DHX37: variants seen among roughly 807,000 people sequenced by gnomAD.
DHX37 encodes probable ATP-dependent RNA helicase DHX37.
A neutral mutation model predicts 134.3 loss-of-function variants in DHX37; 52 were observed. The observed-to-expected ratio is 0.39, with a 90% CI of 0.31 to 0.49. DHX37 has a LOEUF of 0.49. DHX37 is among the 20% of genes least tolerant of loss of function. The probability of loss-of-function intolerance (pLI) is 0.93; values close to 1 mark genes in which losing one functional copy is unlikely to be tolerated. For missense variants in DHX37, 1,344 were observed against 1,580.8 expected, an observed-to-expected ratio of 0.85 and a Z score of 2.54; for synonymous variants, 634 against 670.7, an observed-to-expected ratio of 0.95 and a Z score of 0.85.
chr12:124,967,823 C>T (rs1378311066), intron 10 of DHX37, among the ~76,000 whole-genome samples: 1 of 152,128 alleles, frequency 6.6e-6, no homozygotes, highest in African/African-American at 2.4e-5. Flanking sequence ...AATTCCAGCA[C>T]TTTGGGAGGC....
At chr12:124,953,614 G>C in intron 20 of DHX37, 1 of 493,502 alleles carries the variant, frequency 2.0e-6, no homozygotes, top group Non-Finnish European at 3.6e-6. Context: ...AAATGGCAGG[G>C]GGTATCGCCA....
chr12:124,950,308 C>T (rs997523047), intron 23 of DHX37, 65 bp from the exon 24 acceptor site: 61 of 1,607,022 alleles, frequency 3.8e-5, no homozygotes, highest in Admixed American at 5.1e-5. Flanking sequence ...CCCATCCCTG[C>T]CCCACCCGAG....
At chr12:124,964,738 A>G (rs1188088650) in intron 14 of DHX37, 112 bp from the exon 15 acceptor site, 8 of 1,515,114 alleles carry the variant, frequency 5.3e-6, no homozygotes, top group Non-Finnish European at 7.1e-6. Context: ...CGTAGCAAGG[A>G]CAAGCCATCC....
intron 2 of DHX37, among the ~76,000 whole-genome samples, chr12:124,984,203 T>A: frequency 6.6e-6 from 1 of 152,064 alleles, no homozygotes; most frequent in East Asian, 1.9e-4. Flanking sequence ...AATACTAATG[T>A]ACAAAAAGCT....
rs199578145 is a variant in DHX37 at position 124,950,773 on chromosome 12, T to A, written c.2900A>T (p.His967Leu). Residue 967 changes from histidine (H) to leucine (L), a missense_variant, in exon 22 of 27, where the codon CAC (histidine) becomes CTC (leucine). By Grantham distance (99) the His-to-Leu change is moderately conservative. Transcript: ENST00000308736. ...TPLLDDPVFIHPSSVLFKELP... is the reference protein window; with the variant it reads ...TPLLDDPVFILPSSVLFKELP... ...CTCTTTGAAAAGGACGGAGCTGGGGTGGATGAAGACAGGGTCGTCGAGGAG... is the reference window on the plus strand; with the variant it reads ...CTCTTTGAAAAGGACGGAGCTGGGGAGGATGAAGACAGGGTCGTCGAGGAG... 1.9e-6 allele frequency: 3 copies of A among 1,607,892 alleles called. No individual in the cohort carries two copies. Among genetic ancestry groups the A allele is most frequent in the Non-Finnish European group, 1.7e-6 (2 of 1,178,284 alleles).
In DHX37 at chr12:124,960,418, T is replaced by C; in HGVS notation, c.2051A>G (p.Tyr684Cys). ...RTEPGHCYRLYSSAVFGDFEQ... is the reference protein window; with the variant it reads ...RTEPGHCYRLCSSAVFGDFEQ... ...GAAGTCACCAAAAACCGCAGATGAA[T>C]ACAGCCTGGATGGAGAGAAACCGGG... The change falls in exon 16 of 27, where the codon TAT becomes TGT. Residue 684 changes from tyrosine (Y) to cysteine (C), a missense_variant. By Grantham distance (194) the Tyr-to-Cys change is radical. Coordinates refer to ENST00000308736, the MANE Select transcript of DHX37 (RefSeq NM_032656.4). 6.2e-7 allele frequency: 1 copy of C among 1,608,704 alleles called. No individual in the cohort carries two copies. Among genetic ancestry groups the C allele is most frequent in the Non-Finnish European group, 8.5e-7 (1 of 1,175,238 alleles).
At chr12:124,964,697 G>A (rs1454532170) in intron 14 of DHX37, 71 bp from the exon 15 acceptor site, 2 of 1,579,058 alleles carry the variant, frequency 1.3e-6, no homozygotes, top group Non-Finnish European at 8.6e-7. Flanking sequence ...GAGGCTCAAG[G>A]ACAAAGCCAG....
intron 8 of DHX37, among the ~76,000 whole-genome samples, chr12:124,970,263 C>T (rs960313120): frequency 6.6e-6 from 1 of 152,180 alleles, no homozygotes; most frequent in Non-Finnish European, 1.5e-5. Context: ...CGTGAGCCAC[C>T]GTGCCCGGCC....
rs1241271677 is a variant in DHX37, at chr12:124,972,534, G to A, written c.1046C>T (p.Thr349Met). 6.2e-7 allele frequency: 1 copy of A among 1,614,056 alleles called. No individual in the cohort carries two copies. The highest frequency in any genetic ancestry group is 8.5e-7 in the Non-Finnish European group (1 of 1,180,026). The part of the protein sequence containing the change: ...VTEETRIKFM[T>M]DGVLLKEIQK... Reference sequence around the variant, plus strand: ...GATTTCTTTAAGCAGCACACCATCCGTCATGAACTTGATTCTGGTCTCCTC... The same window carrying A: ...GATTTCTTTAAGCAGCACACCATCCATCATGAACTTGATTCTGGTCTCCTC... The change falls in exon 7 of 27, where the codon ACG becomes ATG. Residue 349 changes from threonine to methionine, a missense_variant. Coordinates refer to ENST00000308736, the MANE Select transcript of DHX37 (RefSeq NM_032656.4).
At chr12:124,950,991 C>T (rs1055305599) in intron 21 of DHX37, among the ~76,000 whole-genome samples, 187 bp from the exon 22 acceptor site, 2 of 152,232 alleles carry the variant, frequency 1.3e-5, no homozygotes, top group African/African-American at 4.8e-5. Flanking sequence ...GAAGGAAGTG[C>T]CGGGTGCAAT....
chr12:124,957,014 A>T lies in DHX37; in HGVS notation c.2264+15T>A. 2.6e-6 allele frequency: 4 copies of T among 1,522,278 alleles called. No homozygotes were observed. The highest frequency in any genetic ancestry group is 3.5e-6 in the Non-Finnish European group (4 of 1,137,036). The allele number at this position is 1,522,278 out of a possible 1,614,324, so 94.3% of individuals were successfully genotyped here. On this transcript the variant is annotated intron_variant, in intron 17 of 26. Transcript: ENST00000308736. ...GAACGGGGCAGGAACTGGGCTCTGCATCTCTTGGCCTTACCTTTCTGCTTT... is the reference window on the plus strand; with the variant it reads ...GAACGGGGCAGGAACTGGGCTCTGCTTCTCTTGGCCTTACCTTTCTGCTTT...
intron 1 of DHX37, among the ~76,000 whole-genome samples, chr12:124,987,301 C>T (rs950172847): frequency 6.6e-6 from 1 of 152,206 alleles, no homozygotes; most frequent in African/African-American, 2.4e-5. Flanking sequence ...AGAGATCACG[C>T]CACTGCACTC....
intron 10 of DHX37, 27 bp from the exon 11 acceptor site, chr12:124,967,245 A>G: frequency 1.2e-6 from 2 of 1,609,050 alleles, no homozygotes; most frequent in Non-Finnish European, 1.7e-6. Context: ...CCCCTCTGTT[A>G]TCCATCAGTC....
Position 124,952,755 on chromosome 12 carries a change from C to A in DHX37, c.2696-185G>T, listed in dbSNP as rs74368825. 1.1e-5 allele frequency: 5 copies of A among 467,120 alleles called. No homozygotes were observed. The Admixed American group carries it at 1.2e-4, about 11-fold the overall frequency. 28.9% of individuals were successfully genotyped at this position (467,120 alleles called of 1,614,324 possible). A position where few individuals can be genotyped will look rare whatever the true frequency, so the allele number is the denominator to read the frequency against. On this transcript the variant is annotated intron_variant, in intron 20 of 26. Coordinates refer to ENST00000308736, the MANE Select transcript of DHX37 (RefSeq NM_032656.4). ...GCAGGCAGGATTGCAGCCGCCCCCC[C>A]ATTCCCTCCTTCTCCCTTGGGACAA...
chr12:124,985,767 C>T (rs1334169544), intron 2 of DHX37, among the ~76,000 whole-genome samples: 2 of 106,874 alleles, frequency 1.9e-5, no homozygotes, highest in Admixed American at 2.2e-4. Context: ...TTGGTAGAGC[C>T]AGAAAAGATG....
chr12:124,986,043 A>G (rs941280702), intron 2 of DHX37, 53 bp downstream of exon 2: 7 of 1,582,078 alleles, frequency 4.4e-6, no homozygotes, highest in Non-Finnish European at 6.0e-6. Flanking sequence ...GAGACCCCCC[A>G]TCTCTCTCTA....
intron 16 of DHX37, among the ~76,000 whole-genome samples, chr12:124,959,469 T>C (rs1490674390): frequency 6.6e-6 from 1 of 150,942 alleles, no homozygotes; most frequent in Non-Finnish European, 1.5e-5. Flanking sequence ...CTAATCCACA[T>C]GTCTCAGCCT....
intron 15 of DHX37, among the ~76,000 whole-genome samples, chr12:124,961,333 C>T (rs1006055191): frequency 1.4e-5 from 2 of 143,000 alleles, no homozygotes; most frequent in African/African-American, 3.0e-5. Context: ...CACACGTGCA[C>T]GCACACACAC....
intron 15 of DHX37, among the ~76,000 whole-genome samples, chr12:124,963,517 T>A (rs1954310727): frequency 6.6e-6 from 1 of 152,094 alleles, no homozygotes; most frequent in South Asian, 2.1e-4. Context: ...GTGAATTATA[T>A]CCTGATCAAG....
Sources: allele counts gnomAD v4.1 joint callset (sites outside exome capture counted in the v4.1 genomes callset), GRCh38; gene constraint gnomAD v4.1.1; transcripts MANE v1.5; gene names NCBI Gene and HGNC (gene_info 2026-07-23, HGNC 2026-07-21).